The following SOCS5 variants were observed in gnomAD, a reference collection of about 807,000 sequenced individuals.
SOCS5 encodes CIS-6.
In SOCS5, 32 loss-of-function variants were observed where a neutral mutation model predicts 42.8. That is an observed-to-expected ratio of 0.75 (90% CI 0.56 to 1.01). SOCS5 has a LOEUF of 1.01. Ranked by LOEUF, SOCS5 falls within the 50% of genes least tolerant of loss-of-function variation. SOCS5 has a pLI of 0.00. For missense variants in SOCS5, 627 were observed against 653.0 expected (o/e 0.96, Z 0.43); for synonymous variants, 283 against 229.6 (o/e 1.23, Z -2.10).
intron 1 of SOCS5, among the ~76,000 whole-genome samples, chr2:46,737,546 G>A (rs1356927797): frequency 6.6e-6 from 1 of 152,128 alleles, no homozygotes; most frequent in Non-Finnish European, 1.5e-5. Flanking sequence ...TTTGCCTGAT[G>A]CCTAGAAAAT....
chr2:46,729,816 C>G (rs1180701598), intron 1 of SOCS5, among the ~76,000 whole-genome samples: 1 of 152,152 alleles, frequency 6.6e-6, no homozygotes, highest in East Asian at 1.9e-4. Context: ...CTTTAGCTTC[C>G]TTTAACTTTT....
At chr2:46,718,704 T>C (rs1178142237) in intron 1 of SOCS5, among the ~76,000 whole-genome samples, 1 of 152,160 alleles carries the variant, frequency 6.6e-6, no homozygotes, top group African/African-American at 2.4e-5. Flanking sequence ...AGATAATACT[T>C]TCTAAAAGAT....
At chr2:46,700,934 T>C (rs1299563958) in intron 1 of SOCS5, among the ~76,000 whole-genome samples, 1 of 152,242 alleles carries the variant, frequency 6.6e-6, no homozygotes, top group Non-Finnish European at 1.5e-5. Flanking sequence ...CTTAAACATA[T>C]TTTGGAAAAA....
chr2:46,707,851 C>T (rs1257097554), intron 1 of SOCS5, among the ~76,000 whole-genome samples: 2 of 152,194 alleles, frequency 1.3e-5, no homozygotes, highest in Non-Finnish European at 2.9e-5. Context: ...ATTTAATATG[C>T]CTAACCTACC....
chr2:46,723,146 G>A (rs1672918410), intron 1 of SOCS5, among the ~76,000 whole-genome samples: 1 of 151,974 alleles, frequency 6.6e-6, no homozygotes, highest in Non-Finnish European at 1.5e-5. Context: ...TGGAACAAAA[G>A]TTTTTAATTT....
At chr2:46,744,190 G>A (rs1437791838) in intron 1 of SOCS5, among the ~76,000 whole-genome samples, 11 of 152,060 alleles carry the variant, frequency 7.2e-5, no homozygotes, top group African/African-American at 2.4e-4. Context: ...GGGTTTCACC[G>A]TGTTGGTCAG....
In SOCS5 at chr2:46,763,052, G is replaced by A. The variant is rs192690339; in HGVS notation, c.*2911G>A. 1.2e-4 allele frequency: 20 copies of A among 166,964 alleles called. No homozygotes were observed. Among genetic ancestry groups the A allele is most frequent in the African/African-American group, 3.9e-4 (16 of 41,520 alleles). 10.3% of individuals were successfully genotyped at this position (166,964 alleles called of 1,614,324 possible). ...CCTAAAGAGTATTCTTGTACTATTC[G>A]AATTTTATTATCTGCACTAAAAGTT... On this transcript the variant is annotated 3_prime_UTR_variant, in exon 2 of 2. Transcript: ENST00000394861.
chr2:46,738,242 A>G (rs1673295860), intron 1 of SOCS5, among the ~76,000 whole-genome samples: 2 of 152,228 alleles, frequency 1.3e-5, no homozygotes, highest in African/African-American at 4.8e-5. Context: ...ATCTGGCAGT[A>G]TAATGAGTCC....
chr2:46,746,564 TGGTGTGA>T (rs1391743714), intron 1 of SOCS5, among the ~76,000 whole-genome samples: 2 of 151,282 alleles, frequency 1.3e-5, no homozygotes, highest in Non-Finnish European at 2.9e-5. Context: ...GGCAGGAGAA[TGGTGTGA>T]ACCTGAGAGG....
Position 46,702,309 on chromosome 2 carries a change from A to AG in SOCS5, c.-13+2865dup, listed in dbSNP as rs570486200. On this transcript the variant is annotated intron_variant, in intron 1 of 1. Coordinates refer to ENST00000394861, the MANE Select transcript of SOCS5 (RefSeq NM_144949.3). ...CACGATCAAATCATACTCTTTGGTA[A>AG]GGGGGTACTTGGTACAAATGATGCT... Among the ~76,000 whole-genome samples, 6 of 152,336 alleles carry AG rather than the reference A, an allele frequency of 3.9e-5. No individual in the cohort carries two copies. In the East Asian group the frequency reaches 1.2e-3, roughly 29 times the overall value.
Position 46,758,728 on chromosome 2 carries a change from A to G in SOCS5, c.198A>G (p.Gln66=). 6.2e-7 allele frequency: 1 copy of G among 1,614,148 alleles called. No individual in the cohort carries two copies. The highest frequency in any genetic ancestry group is 8.5e-7 in the Non-Finnish European group (1 of 1,179,998). ...CCTTAAGAGAAAATATTGCCTTACA[A>G]CTGGGATTAAGCCCTTCGAAGAATT... ...SSPLRENIAL[Q]LGLSPSKNSS... The change falls in exon 2 of 2, where the codon CAA becomes CAG. Residue 66 remains glutamine (Q), a synonymous_variant. Coordinates refer to ENST00000394861, the MANE Select transcript of SOCS5 (RefSeq NM_144949.3).
rs1265258746 is a variant in SOCS5 at position 46,759,281 on chromosome 2, G to C, written c.751G>C (p.Asp251His). The C allele has an allele frequency of 5.0e-6, 8 of 1,613,978 alleles. No homozygotes were observed. The South Asian group carries it at 6.6e-5, about 13-fold the overall frequency. ...SPHSTFFDTFDPSLVSTEDEE... is the reference protein window; with the variant it reads ...SPHSTFFDTFHPSLVSTEDEE... ...ACATTCAACATTTTTTGATACATTT[G>C]ATCCATCTTTGGTTTCTACAGAAGA... The change falls in exon 2 of 2, where the codon GAT becomes CAT. Residue 251 changes from aspartate to histidine, a missense_variant. Physicochemically the swap from Asp to His is moderately conservative, Grantham distance 81 (BLOSUM62 -1). Around this residue, in one of 3 missense-constraint regions of SOCS5, gnomAD observed 340 missense variants for 367.6 expected, o/e 0.92. Coordinates refer to ENST00000394861, the MANE Select transcript of SOCS5 (RefSeq NM_144949.3).
At chr2:46,753,906 G>A (rs1447546349) in intron 1 of SOCS5, among the ~76,000 whole-genome samples, 1 of 152,148 alleles carries the variant, frequency 6.6e-6, no homozygotes. Context: ...AATGTATAAT[G>A]AGCAGTGAGG....
intron 1 of SOCS5, among the ~76,000 whole-genome samples, chr2:46,753,532 G>A (rs866849829): frequency 5.3e-5 from 8 of 152,220 alleles, no homozygotes; most frequent in Middle Eastern, 3.4e-3. Flanking sequence ...ATCAGAAAGG[G>A]GTTCGATCCA....
At chr2:46,729,584 A>G (rs1673070232) in intron 1 of SOCS5, among the ~76,000 whole-genome samples, 1 of 152,238 alleles carries the variant, frequency 6.6e-6, no homozygotes, top group Non-Finnish European at 1.5e-5. Context: ...CAAAGGGTAC[A>G]GTAAAAATAC....
At chr2:46,711,502 A>T (rs894012774) in intron 1 of SOCS5, among the ~76,000 whole-genome samples, 1 of 152,214 alleles carries the variant, frequency 6.6e-6, no homozygotes, top group Non-Finnish European at 1.5e-5. Flanking sequence ...TAGGATTTGT[A>T]TATTAATTGG....
At chr2:46,720,397 A>G (rs1013056447) in intron 1 of SOCS5, among the ~76,000 whole-genome samples, 1 of 152,206 alleles carries the variant, frequency 6.6e-6, no homozygotes, top group Admixed American at 6.5e-5. Context: ...AACTTTAATA[A>G]CAAACTGTGA....
intron 1 of SOCS5, among the ~76,000 whole-genome samples, chr2:46,754,785 A>G (rs1314617099): frequency 6.6e-6 from 1 of 152,218 alleles, no homozygotes; most frequent in Admixed American, 6.5e-5. Context: ...CTGTCACAAT[A>G]TGACGTGTAA....
At chr2:46,721,234 A>AT (rs1672877891) in intron 1 of SOCS5, among the ~76,000 whole-genome samples, 1 of 152,142 alleles carries the variant, frequency 6.6e-6, no homozygotes, top group South Asian at 2.1e-4. Context: ...TTTAGATGTT[A>AT]TTCCCTAACT....
Sources: allele counts gnomAD v4.1 joint callset (sites outside exome capture counted in the v4.1 genomes callset), GRCh38; gene constraint gnomAD v4.1.1; regional missense constraint gnomAD v4.1.1; transcripts MANE v1.5; gene names NCBI Gene and HGNC (gene_info 2026-07-23, HGNC 2026-07-21).